Variants in GLP2R observed in about 807,000 individuals in gnomAD.
The protein encoded by GLP2R is glucagon-like peptide 2 receptor.
GLP2R carries 59 observed loss-of-function variants against 68.2 expected under a neutral mutation model. The observed-to-expected ratio is 0.87, with a 90% confidence interval of 0.70 to 1.07. The LOEUF is 1.07. Ranked by LOEUF, GLP2R falls within the 50% of genes least tolerant of loss-of-function variation. GLP2R has a pLI of 0.00. For missense variants in GLP2R, 548 were observed against 677.4 expected (o/e 0.81, Z 2.12); for synonymous variants, 270 against 265.4 (o/e 1.02, Z -0.17).
At chr17:9,876,066 G>A (rs1185013855) in intron 10 of GLP2R, among the ~76,000 whole-genome samples, 4 of 152,076 alleles carry the variant, frequency 2.6e-5, no homozygotes, top group South Asian at 2.1e-4. Flanking sequence ...TAGTAGAGAC[G>A]GAGTTTCTCC....
At chr17:9,836,747 A>G (rs1051148020) in intron 3 of GLP2R, among the ~76,000 whole-genome samples, 3 of 152,088 alleles carry the variant, frequency 2.0e-5, no homozygotes, top group African/African-American at 4.8e-5. Context: ...TGGGGTATCC[A>G]TCCCCTCAAG....
At chr17:9,829,325 T>C (rs1199034532) in intron 1 of GLP2R, among the ~76,000 whole-genome samples, 1 of 129,016 alleles carries the variant, frequency 7.8e-6, no homozygotes, top group South Asian at 2.2e-4. Flanking sequence ...AAATTTTTAA[T>C]TTTTTTTTTT....
intron 10 of GLP2R, among the ~76,000 whole-genome samples, chr17:9,877,321 A>T (rs1049700120): frequency 2.0e-5 from 3 of 152,216 alleles, no homozygotes; most frequent in Non-Finnish European, 2.9e-5. Flanking sequence ...CTGGACAGGG[A>T]CACAAATAGT....
At chr17:9,886,392 T>C (rs1191157273) in intron 11 of GLP2R, among the ~76,000 whole-genome samples, 6 of 151,640 alleles carry the variant, frequency 4.0e-5, no homozygotes, top group Non-Finnish European at 8.8e-5. Context: ...CCTAAAACTG[T>C]GAAGCAAGCA....
chr17:9,845,817 GTTAAGTT>G (rs1277590884), intron 4 of GLP2R, among the ~76,000 whole-genome samples: 1 of 151,620 alleles, frequency 6.6e-6, no homozygotes, highest in Admixed American at 6.6e-5. Context: ...CTAGCTTTTT[GTTAAGTT>G]ATTAAGGTCA....
intron 10 of GLP2R, among the ~76,000 whole-genome samples, chr17:9,872,984 C>T (rs6503258): frequency 0.66 from 100,893 of 152,116 alleles, 34,424 homozygotes; most frequent in African/African-American, 0.83. Flanking sequence ...CCTGGGGAGC[C>T]GGCCTGGCCT....
At chr17:9,888,064 T>C in intron 12 of GLP2R, 91 bp downstream of exon 12, 1 of 882,404 alleles carries the variant, frequency 1.1e-6, no homozygotes, top group East Asian at 2.4e-5. Context: ...GGGATGATGC[T>C]ACGGGAGAAT....
chr17:9,864,482 G>GT (rs76940480), intron 9 of GLP2R, among the ~76,000 whole-genome samples: 37,431 of 143,608 alleles, frequency 0.26, 7,059 homozygotes, highest in African/African-American at 0.52. Flanking sequence ...AGTTTTTTCT[G>GT]TTTTTTTGTT....
intron 11 of GLP2R, among the ~76,000 whole-genome samples, chr17:9,885,584 T>C (rs752662896): frequency 7.9e-5 from 12 of 151,964 alleles, no homozygotes; most frequent in Non-Finnish European, 1.8e-4. Flanking sequence ...CCATGTGGCC[T>C]CTCCATGTAT....
intron 9 of GLP2R, among the ~76,000 whole-genome samples, chr17:9,864,313 T>C (rs1002164399): frequency 1.1e-4 from 17 of 152,168 alleles, no homozygotes; most frequent in African/African-American, 3.9e-4. Flanking sequence ...GAGTCTGCAT[T>C]GGAACAAGCT....
intron 9 of GLP2R, among the ~76,000 whole-genome samples, chr17:9,867,591 C>T (rs768377674): frequency 2.0e-5 from 3 of 152,174 alleles, no homozygotes; most frequent in Non-Finnish European, 2.9e-5. Context: ...ATTCTTACAG[C>T]CTAGTCTCCC....
chr17:9,887,475 C>G (rs1426314592), intron 11 of GLP2R, among the ~76,000 whole-genome samples: 1 of 152,104 alleles, frequency 6.6e-6, no homozygotes, highest in South Asian at 2.1e-4. Flanking sequence ...TGCAGTGAGC[C>G]GAGGTTGAGC....
chr17:9,876,359 G>A (rs73257193), intron 10 of GLP2R, among the ~76,000 whole-genome samples: 2,112 of 152,286 alleles, frequency 0.014, 50 homozygotes, highest in African/African-American at 0.048. Flanking sequence ...CTTATATGAC[G>A]TAGGAGACTT....
At chr17:9,873,008 C>A (rs917385232) in intron 10 of GLP2R, among the ~76,000 whole-genome samples, 3 of 152,186 alleles carry the variant, frequency 2.0e-5, no homozygotes, top group African/African-American at 7.2e-5. Context: ...CTCCAGGGAG[C>A]CACGCTGTCT....
intron 4 of GLP2R, chr17:9,853,026 T>C (rs2066905722): frequency 4.1e-6 from 2 of 486,006 alleles, no homozygotes; most frequent in African/African-American, 2.0e-5. Context: ...CCGTGGGTGG[T>C]GTGATTTCAA....
intron 6 of GLP2R, among the ~76,000 whole-genome samples, chr17:9,858,798 A>T (rs1440922555): frequency 6.6e-6 from 1 of 152,108 alleles, no homozygotes; most frequent in Non-Finnish European, 1.5e-5. Context: ...AGTCCATTGG[A>T]TCTGTAAGAG....
chr17:9,862,141 GA>G (rs760679080), intron 9 of GLP2R, 51 bp downstream of exon 9: 6 of 1,352,056 alleles, frequency 4.4e-6, no homozygotes, highest in Non-Finnish European at 6.4e-6. Flanking sequence ...CAGCTGTGGG[GA>G]ATCCCCCCGC....
chr17:9,859,885 C>T, intron 6 of GLP2R, 57 bp from the exon 7 acceptor site: 2 of 1,257,182 alleles, frequency 1.6e-6, no homozygotes, highest in South Asian at 4.0e-5. Context: ...TCTCCCCCGA[C>T]TCGGGATCAG....
At chr17:9,847,937 G>A (rs1364648180) in intron 4 of GLP2R, among the ~76,000 whole-genome samples, 1 of 152,144 alleles carries the variant, frequency 6.6e-6, no homozygotes, top group Non-Finnish European at 1.5e-5. Flanking sequence ...GCTGCTTGAG[G>A]CCAGGAGTTT....
Sources: gnomAD v4.1 joint callset for allele counts (sites outside exome capture counted in the v4.1 genomes callset) on GRCh38, gnomAD v4.1.1 for gene constraint, MANE v1.5 for transcripts, NCBI Gene and HGNC (gene_info 2026-07-23, HGNC 2026-07-21) for gene names.